Variants in MATN2 observed in about 807,000 individuals in gnomAD.
MATN2 encodes the protein matrilin-2.
Under a neutral mutation model 103.2 loss-of-function variants are expected in MATN2, and 69 were observed. The ratio of observed to expected loss-of-function variants is 0.67; its 90% CI spans 0.55 to 0.82. The LOEUF is 0.82. MATN2 is among the 40% of genes least tolerant of loss of function. MATN2 has a pLI of 0.00. For synonymous variants in MATN2, 429 were observed against 450.2 expected (o/e 0.95, Z 0.60); for missense variants, 1,023 against 1,211.5 (o/e 0.84, Z 2.31).
At position 97,988,171 on chromosome 8, in the gene MATN2, A is replaced by AATAT. The variant is rs1554611754; in HGVS notation, c.1082-6293_1082-6290dup. ...CTCCACCAAAAAAAAAAAAAAAAAAAATATATATATATATATATACACACA... is the reference window on the plus strand; with the variant it reads ...CTCCACCAAAAAAAAAAAAAAAAAAAATATATATATATATATATATATACACACA... On this transcript the variant is annotated intron_variant, in intron 6 of 18. Coordinates refer to ENST00000254898, the MANE Select transcript of MATN2 (RefSeq NM_002380.5). 2.5e-3 allele frequency among the ~76,000 whole-genome samples: 113 copies of AATAT among 46,088 alleles called. 2 individuals carry two copies. Among genetic ancestry groups the AATAT allele is most frequent in the Middle Eastern group, 0.015 (1 of 66 alleles). 30.2% of individuals were successfully genotyped at this position (46,088 alleles called of 152,430 possible).
At chr8:97,886,946 C>T (rs1818450242) in intron 1 of MATN2, among the ~76,000 whole-genome samples, 1 of 151,538 alleles carries the variant, frequency 6.6e-6, no homozygotes, top group Non-Finnish European at 1.5e-5. Flanking sequence ...GTCACCCAGG[C>T]TGGAGTGTAG....
chr8:97,976,310 T>C (rs1420072080), intron 5 of MATN2, among the ~76,000 whole-genome samples: 1 of 152,154 alleles, frequency 6.6e-6, no homozygotes, highest in Admixed American at 6.5e-5. Context: ...GGTTTCGCCA[T>C]ATTGGCAAGG....
intron 14 of MATN2, among the ~76,000 whole-genome samples, chr8:98,030,221 A>G (rs567604487): frequency 1.3e-5 from 2 of 152,334 alleles, no homozygotes; most frequent in East Asian, 3.9e-4. Flanking sequence ...CCCAGGGCTG[A>G]GCAACAGGTT....
At chr8:97,898,522 C>T (rs371928106) in intron 2 of MATN2, among the ~76,000 whole-genome samples, 13 of 150,306 alleles carry the variant, frequency 8.6e-5, no homozygotes, top group African/African-American at 2.5e-4. Context: ...ACTTGAACCT[C>T]GGAGGCGGAG....
intron 7 of MATN2, among the ~76,000 whole-genome samples, chr8:97,995,624 C>T (rs969017123): frequency 6.6e-5 from 10 of 152,184 alleles, no homozygotes; most frequent in Non-Finnish European, 4.4e-5. Flanking sequence ...TTCTGCCTGG[C>T]AAGACTGCGT....
chr8:98,027,658 G>A lies in MATN2; in HGVS notation c.2185G>A (p.Gly729Arg), dbSNP rs768216030. Reference sequence around the variant, plus strand: ...AGCCGTGGCCCACATGAAATACATGGGAAAGGGCTCTATGACTGGGCTGGC... The same window carrying A: ...AGCCGTGGCCCACATGAAATACATGAGAAAGGGCTCTATGACTGGGCTGGC... ...KKAVAHMKYM[G>R]KGSMTGLALK... Residue 729 changes from glycine to arginine, a missense_variant, in exon 14 of 19, where the codon GGA becomes AGA. Physicochemically the swap from Gly to Arg is moderately radical, Grantham distance 125. Coordinates refer to ENST00000254898, the MANE Select transcript of MATN2 (RefSeq NM_002380.5). The A allele has an allele frequency of 5.0e-6, 8 of 1,613,798 alleles. No individual in the cohort carries two copies. In the African/African-American group the frequency reaches 6.7e-5, roughly 13 times the overall value.
chr8:97,907,568 C>T (rs945403940), intron 2 of MATN2, among the ~76,000 whole-genome samples: 1 of 150,910 alleles, frequency 6.6e-6, no homozygotes, highest in Non-Finnish European at 1.5e-5. Context: ...GTGATCCACC[C>T]GCCTCGGCCT....
At chr8:98,016,359 T>A (rs1192369257) in intron 10 of MATN2, among the ~76,000 whole-genome samples, 181 bp from the exon 11 acceptor site, 1 of 152,142 alleles carries the variant, frequency 6.6e-6, no homozygotes, top group Non-Finnish European at 1.5e-5. Context: ...GATGACAGAG[T>A]GAGACCCTTT....
chr8:97,988,189 T>TATATACACAC (rs71570279), intron 6 of MATN2, among the ~76,000 whole-genome samples: 2 of 54,970 alleles, frequency 3.6e-5, no homozygotes, highest in Admixed American at 2.3e-4. Flanking sequence ...TATATATATA[T>TATATACACAC]ACACACACAC....
intron 3 of MATN2, 58 bp from the exon 4 acceptor site, chr8:97,941,719 G>A: frequency 6.5e-7 from 1 of 1,535,678 alleles, no homozygotes. Flanking sequence ...CTTGCTGGCT[G>A]GAATGGAGTG....
At chr8:97,921,892 C>T (rs964088814) in intron 2 of MATN2, among the ~76,000 whole-genome samples, 6 of 151,754 alleles carry the variant, frequency 4.0e-5, no homozygotes, top group Admixed American at 6.5e-5. Context: ...GATCTCAGTC[C>T]GTGGCCTGTT....
At position 97,941,161 on chromosome 8, in the gene MATN2, C is replaced by CAA. The variant is rs1186024165; in HGVS notation, c.713-593_713-592dup. On this transcript the variant is annotated intron_variant, in intron 3 of 18. Coordinates refer to ENST00000254898, the MANE Select transcript of MATN2 (RefSeq NM_002380.5). ...TGGAAGACAGAGCAAGACCTTGTCT[C>CAA]AAAAAAAAAAAAAAAAAAAAAAAAG... is the stretch of plus-strand genomic sequence containing the variant. Among the ~76,000 whole-genome samples the CAA allele has an allele frequency of 7.1e-3, 556 of 77,906 alleles. 13 individuals are homozygous for CAA. Among genetic ancestry groups the CAA allele is most frequent in the African/African-American group, 0.021 (423 of 20,060 alleles). The allele number at this position is 77,906 out of a possible 152,430, so 51.1% of individuals were successfully genotyped here. A position where few individuals can be genotyped will look rare whatever the true frequency, so the allele number is the denominator to read the frequency against.
chr8:97,937,076 C>A (rs1810398154), intron 3 of MATN2, among the ~76,000 whole-genome samples: 1 of 152,182 alleles, frequency 6.6e-6, no homozygotes, highest in African/African-American at 2.4e-5. Flanking sequence ...CATGGCCCCA[C>A]CAGCCCCTGA....
chr8:98,026,423 C>T (rs1191598298), intron 13 of MATN2, among the ~76,000 whole-genome samples: 1 of 151,886 alleles, frequency 6.6e-6, no homozygotes, highest in Non-Finnish European at 1.5e-5. Context: ...CCATGCCCAG[C>T]TAATTTTTCT....
Position 97,873,459 on chromosome 8 carries a change from C to T in MATN2, c.-27+4172C>T, listed in dbSNP as rs1350898058. ...TGCCTCCCAGGTTCAGGTGATCCTC[C>T]TACCTCAGCCTCCCAAGTTGCAACA... On this transcript the variant is annotated intron_variant, in intron 1 of 18. Transcript: ENST00000254898. Among the ~76,000 whole-genome samples, 4 of 151,916 alleles carry T rather than the reference C, an allele frequency of 2.6e-5. No homozygotes were observed. The East Asian group carries it at 7.7e-4, about 29-fold the overall frequency.
intron 6 of MATN2, among the ~76,000 whole-genome samples, chr8:97,991,024 A>G (rs1284322731): frequency 6.6e-6 from 1 of 152,194 alleles, no homozygotes; most frequent in Non-Finnish European, 1.5e-5. Context: ...ATACCTCAAA[A>G]AAACTAAAAA....
chr8:97,928,746 GGGAGTTCCCAAGTGCT>G (rs1289852181), intron 2 of MATN2, among the ~76,000 whole-genome samples: 1 of 152,142 alleles, frequency 6.6e-6, no homozygotes, highest in Admixed American at 6.5e-5. Context: ...AGCACACGTC[GGGAGTTCCCAAGTGCT>G]GGATCCTTCA....
chr8:97,997,618 TC>T (rs1812627959), intron 7 of MATN2, among the ~76,000 whole-genome samples: 1 of 152,172 alleles, frequency 6.6e-6, no homozygotes. Context: ...GTTGTGTCCA[TC>T]CTGTGGGTGC....
Position 98,007,630 on chromosome 8 carries a change from G to T in MATN2, c.1573+29G>T. On this transcript the variant is annotated intron_variant, in intron 10 of 18. Coordinates refer to ENST00000254898, the MANE Select transcript of MATN2 (RefSeq NM_002380.5). This position sits in a 1 kb window ranked among gnomAD's most constrained non-coding sequence, Gnocchi z 4.2. ...AGTGTCTGAAGGACAAGCAGGACCT[G>T]CACAGGTGTTCCGTGGGTGCCGGTG... The T allele has an allele frequency of 6.3e-7, 1 of 1,591,302 alleles. No individual in the cohort carries two copies. The highest frequency in any genetic ancestry group is 8.6e-7 in the Non-Finnish European group (1 of 1,162,054).
Sources: allele counts gnomAD v4.1 joint callset (sites outside exome capture counted in the v4.1 genomes callset), GRCh38; gene constraint gnomAD v4.1.1; non-coding constraint Gnocchi (gnomAD v3.1); transcripts MANE v1.5; gene names NCBI Gene and HGNC (gene_info 2026-07-23, HGNC 2026-07-21).